Variants in GNG4 observed in about 807,000 individuals in gnomAD.
The protein encoded by GNG4 is G protein subunit gamma 4.
GNG4 carries 4 observed loss-of-function variants against 5.8 expected under a neutral mutation model. That is an observed-to-expected ratio of 0.69 (90% CI 0.34 to 1.57). The LOEUF is 1.57. Among genes scored for constraint, GNG4 ranks in the 40% most tolerant of loss-of-function variants. The pLI is 0.06. For missense variants in GNG4, 96 were observed against 95.1 expected (o/e 1.01, Z -0.04); for synonymous variants, 29 against 32.9 (o/e 0.88, Z 0.41).
chr1:235,587,192 T>A (rs556487927), intron 2 of GNG4, among the ~76,000 whole-genome samples: 8 of 133,478 alleles, frequency 6.0e-5, no homozygotes, highest in African/African-American at 2.4e-4. Flanking sequence ...GGTGAGTGTG[T>A]GTGACAGAAA....
intron 3 of GNG4, among the ~76,000 whole-genome samples, chr1:235,564,069 T>A (rs1687133305): frequency 6.6e-6 from 1 of 152,198 alleles, no homozygotes; most frequent in African/African-American, 2.4e-5. Flanking sequence ...ATATACACCA[T>A]GAAATACAAT....
intron 1 of GNG4, among the ~76,000 whole-genome samples, chr1:235,627,336 C>T (rs1420857559): frequency 1.5e-4 from 23 of 152,074 alleles, no homozygotes; most frequent in Non-Finnish European, 1.5e-5. Context: ...AATTCTCCTG[C>T]CTCAGCCTCC....
At chr1:235,576,725 G>C (rs1019765301) in intron 3 of GNG4, among the ~76,000 whole-genome samples, 1 of 152,118 alleles carries the variant, frequency 6.6e-6, no homozygotes, top group Non-Finnish European at 1.5e-5. Context: ...TTGGGAGAAG[G>C]GCCAAGTAGC....
chr1:235,615,111 GAGCACAATTGA>G (rs1216341397), intron 1 of GNG4: 3 of 152,222 alleles, frequency 2.0e-5, no homozygotes, highest in African/African-American at 7.2e-5. Context: ...AGGGGAGGCT[GAGCACAATTGA>G]AGTGTGGGGA....
At chr1:235,596,396 G>A (rs1178715227) in intron 1 of GNG4, among the ~76,000 whole-genome samples, 2 of 152,084 alleles carry the variant, frequency 1.3e-5, no homozygotes, top group Non-Finnish European at 2.9e-5. Context: ...AATTAGCCAG[G>A]CGTGGTGGCA....
chr1:235,627,180 A>C (rs371777768), intron 1 of GNG4, among the ~76,000 whole-genome samples: 1 of 151,892 alleles, frequency 6.6e-6, no homozygotes, highest in South Asian at 2.1e-4. Context: ...CCTGTGGAAT[A>C]GGTAAAATGC....
chr1:235,561,164 C>T (rs1210103122), intron 3 of GNG4, among the ~76,000 whole-genome samples: 1 of 152,182 alleles, frequency 6.6e-6, no homozygotes, highest in Non-Finnish European at 1.5e-5. Flanking sequence ...CGCCTGCCAC[C>T]ACGGCCGGCT....
At chr1:235,570,315 T>A (rs532276352) in intron 3 of GNG4, among the ~76,000 whole-genome samples, 1 of 151,862 alleles carries the variant, frequency 6.6e-6, no homozygotes, top group South Asian at 2.1e-4. Flanking sequence ...CTCCACTCTT[T>A]CCAGTGGTGC....
At chr1:235,600,076 C>T (rs1353327337) in intron 1 of GNG4, among the ~76,000 whole-genome samples, 1 of 127,952 alleles carries the variant, frequency 7.8e-6, no homozygotes, top group African/African-American at 3.0e-5. Flanking sequence ...TGACTGGATT[C>T]CTTTATCTGG....
In GNG4 at chr1:235,583,696, G is replaced by C. The variant is rs551633347; in HGVS notation, c.99+44C>G. 1.3e-5 allele frequency: 17 copies of C among 1,273,470 alleles called. No homozygotes were observed. The African/African-American group carries it at 2.5e-4, about 19-fold the overall frequency. 78.9% of individuals were successfully genotyped at this position (1,273,470 alleles called of 1,614,324 possible). A position where few individuals can be genotyped will look rare whatever the true frequency, so the allele number is the denominator to read the frequency against. On this transcript the variant is annotated intron_variant, in intron 3 of 3. Transcript: ENST00000391854. ...TTTGGAAGCAGGAGGAATGTTTTGA[G>C]CTGAGCTTCGGGCGGAGGGTGGGGC...
chr1:235,646,641 T>C (rs1339174639), intron 1 of GNG4, among the ~76,000 whole-genome samples: 1 of 152,198 alleles, frequency 6.6e-6, no homozygotes, highest in Non-Finnish European at 1.5e-5. Context: ...TCCTCACTCC[T>C]GGGCACCCAG....
intron 1 of GNG4, among the ~76,000 whole-genome samples, chr1:235,640,611 A>G (rs1266010651): frequency 2.0e-5 from 3 of 152,380 alleles, no homozygotes; most frequent in East Asian, 3.9e-4. Context: ...AGGCGAATAC[A>G]TAAGACAGTC....
chr1:235,620,060 TC>T (rs1331282171), intron 1 of GNG4, among the ~76,000 whole-genome samples: 2 of 152,146 alleles, frequency 1.3e-5, no homozygotes, highest in Non-Finnish European at 2.9e-5. Context: ...CAAAGGGAAA[TC>T]CTTTTAAAAC....
At chr1:235,599,031 C>G (rs1261374718) in intron 1 of GNG4, among the ~76,000 whole-genome samples, 2 of 152,074 alleles carry the variant, frequency 1.3e-5, no homozygotes, top group African/African-American at 4.8e-5. Context: ...CCGGCCTTCC[C>G]AGGTGCTTTT....
At chr1:235,626,905 A>G (rs933146544) in intron 1 of GNG4, among the ~76,000 whole-genome samples, 23 of 143,390 alleles carry the variant, frequency 1.6e-4, no homozygotes, top group Admixed American at 4.2e-4. Flanking sequence ...TTTGCAGTGA[A>G]CTGAGATTGC....
chr1:235,554,569 C>T (rs545722390), intron 3 of GNG4, among the ~76,000 whole-genome samples: 14 of 152,260 alleles, frequency 9.2e-5, no homozygotes, highest in Admixed American at 2.0e-4. Context: ...CTCGGCTGGA[C>T]GCAGTGGCTC....
chr1:235,628,453 T>C (rs1222669748), intron 1 of GNG4, among the ~76,000 whole-genome samples: 1 of 151,562 alleles, frequency 6.6e-6, no homozygotes, highest in African/African-American at 2.4e-5. Flanking sequence ...AAAATGGCCA[T>C]TGGGTGCCCT....
chr1:235,648,676 T>C lies in GNG4; in HGVS notation c.-123+986A>G, dbSNP rs1344822603. ...TGAGCAGACGACAGGACTGGCACGTTTTAATGGAGCACACGGGCGCAGCCT... is the reference window on the plus strand; with the variant it reads ...TGAGCAGACGACAGGACTGGCACGTCTTAATGGAGCACACGGGCGCAGCCT... On this transcript the variant is annotated intron_variant, in intron 1 of 3. Transcript: ENST00000391854. This position sits in a 1 kb window ranked among gnomAD's most constrained non-coding sequence, Gnocchi z 5.0. Among the ~76,000 whole-genome samples, 1 of 152,214 alleles carries C rather than the reference T, an allele frequency of 6.6e-6. No homozygotes were observed. The highest frequency in any genetic ancestry group is 1.5e-5 in the Non-Finnish European group (1 of 68,042).
At chr1:235,566,465 T>G (rs1687199840) in intron 3 of GNG4, among the ~76,000 whole-genome samples, 1 of 152,246 alleles carries the variant, frequency 6.6e-6, no homozygotes, top group African/African-American at 2.4e-5. Context: ...ACACCTGTCC[T>G]GTCTAGTTGC....
Sources: gnomAD v4.1 joint callset for allele counts (sites outside exome capture counted in the v4.1 genomes callset) on GRCh38, gnomAD v4.1.1 for gene constraint, Gnocchi (gnomAD v3.1) non-coding constraint, MANE v1.5 for transcripts, NCBI Gene and HGNC (gene_info 2026-07-23, HGNC 2026-07-21) for gene names.